Variants in PARP11 observed in about 807,000 individuals in gnomAD.
PARP11 encodes the protein protein mono-ADP-ribosyltransferase PARP11.
PARP11 carries 31 observed loss-of-function variants against 42.9 expected under a neutral mutation model. The observed-to-expected ratio is 0.72, with a 90% CI of 0.54 to 0.98. PARP11 has a LOEUF of 0.98. PARP11 is among the 50% of genes least tolerant of loss of function. The pLI, the probability that PARP11 is intolerant of heterozygous loss-of-function variation, is 0.00. For synonymous variants in PARP11, 137 were observed against 127.3 expected (o/e 1.08, Z -0.51); for missense variants, 365 against 413.1 (o/e 0.88, Z 1.01).
intron 3 of PARP11, among the ~76,000 whole-genome samples, chr12:3,828,011 A>G (rs755843697): frequency 7.2e-5 from 11 of 152,234 alleles, no homozygotes; most frequent in Non-Finnish European, 1.5e-4. Flanking sequence ...CAGGTTTTTC[A>G]TGGGATACCC....
At chr12:3,825,206 A>C (rs1206452407) in intron 4 of PARP11, among the ~76,000 whole-genome samples, 1 of 152,322 alleles carries the variant, frequency 6.6e-6, no homozygotes, top group East Asian at 1.9e-4. Flanking sequence ...ACATGCTTTA[A>C]GATTTTTTCC....
In PARP11 at chr12:3,809,867, T is replaced by G. The variant is rs1947133982; in HGVS notation, c.*2256A>C. 6.6e-6 allele frequency: 1 copy of G among 152,358 alleles called. No homozygotes were observed. The highest frequency in any genetic ancestry group is 2.1e-4 in the South Asian group (1 of 4,824). The allele number at this position is 152,358 out of a possible 1,614,324, so 9.4% of individuals were successfully genotyped here. The stretch of plus-strand genomic sequence containing the variant: ...TAGATGCTTTTTAAAGCGCTTTTTC[T>G]AAATATTCTCAGCACTTCATCTAAA... On this transcript the variant is annotated 3_prime_UTR_variant, in exon 8 of 8. Transcript: ENST00000228820.
At chr12:3,845,035 A>G (rs754307975) in intron 1 of PARP11, among the ~76,000 whole-genome samples, 4 of 147,844 alleles carry the variant, frequency 2.7e-5, no homozygotes, top group Non-Finnish European at 5.9e-5. Context: ...TGAGTTGGAA[A>G]TTATGAAACT....
chr12:3,817,084 A>C (rs1268256296), intron 6 of PARP11, among the ~76,000 whole-genome samples: 3 of 150,400 alleles, frequency 2.0e-5, no homozygotes, highest in Non-Finnish European at 4.4e-5. Flanking sequence ...CCAGCTACTC[A>C]GGAGGCTGAG....
intron 1 of PARP11, among the ~76,000 whole-genome samples, chr12:3,830,280 T>C (rs1337509404): frequency 6.6e-6 from 1 of 152,200 alleles, no homozygotes; most frequent in Non-Finnish European, 1.5e-5. Context: ...AAGTAAGCTA[T>C]ATCAACATCA....
intron 4 of PARP11, among the ~76,000 whole-genome samples, chr12:3,822,434 T>C (rs769646191): frequency 7.2e-6 from 1 of 139,860 alleles, no homozygotes; most frequent in Non-Finnish European, 1.5e-5. Flanking sequence ...CCGTCTCTAC[T>C]AAAAATACAA....
At chr12:3,831,599 C>T (rs1947639541) in intron 1 of PARP11, among the ~76,000 whole-genome samples, 1 of 152,022 alleles carries the variant, frequency 6.6e-6, no homozygotes, top group African/African-American at 2.4e-5. Flanking sequence ...ATAACAGTGC[C>T]TGACCTCAAT....
intron 2 of PARP11, 126 bp downstream of exon 2, chr12:3,829,764 G>A: frequency 1.0e-6 from 1 of 988,124 alleles, no homozygotes; most frequent in Admixed American, 2.5e-5. Context: ...TTTTCTTTTA[G>A]TTAAACAATT....
At chr12:3,848,120 A>C (rs1449479456) in intron 1 of PARP11, among the ~76,000 whole-genome samples, 1 of 152,150 alleles carries the variant, frequency 6.6e-6, no homozygotes, top group Non-Finnish European at 1.5e-5. Context: ...TGAAAGATCT[A>C]TACAGGAAAA....
intron 7 of PARP11, among the ~76,000 whole-genome samples, chr12:3,812,672 A>G (rs545179313): frequency 6.6e-6 from 1 of 152,334 alleles, no homozygotes; most frequent in South Asian, 2.1e-4. Flanking sequence ...CTCACCACCA[A>G]CACCATCCCC....
At chr12:3,851,073 A>G (rs1948088086) in intron 1 of PARP11, among the ~76,000 whole-genome samples, 1 of 152,254 alleles carries the variant, frequency 6.6e-6, no homozygotes, top group African/African-American at 2.4e-5. Context: ...TGAAAATTGA[A>G]AAGAATACTG....
At position 3,809,669 on chromosome 12, in the gene PARP11, T is replaced by G. The variant is rs1036581319; in HGVS notation, c.*2454A>C. ...TAGCCATGTTGAAGGGAGGACTATTTTAATGTGGTTTTTTGGTATGTAAAT... is the reference window on the plus strand; with the variant it reads ...TAGCCATGTTGAAGGGAGGACTATTGTAATGTGGTTTTTTGGTATGTAAAT... On this transcript the variant is annotated 3_prime_UTR_variant, in exon 8 of 8. Transcript: ENST00000228820. The G allele has an allele frequency of 6.6e-6, 1 of 152,250 alleles. No individual in the cohort carries two copies. Among genetic ancestry groups the G allele is most frequent in the Non-Finnish European group, 1.5e-5 (1 of 68,044 alleles). The allele number at this position is 152,250 out of a possible 1,614,324, so 9.4% of individuals were successfully genotyped here. A position where few individuals can be genotyped will look rare whatever the true frequency, so the allele number is the denominator to read the frequency against.
rs1253865033 is a variant in PARP11, at chr12:3,811,617, T to C, written c.*506A>G. 1 of 152,578 alleles carries C rather than the reference T, an allele frequency of 6.6e-6. No individual in the cohort carries two copies. Among genetic ancestry groups the C allele is most frequent in the Non-Finnish European group, 1.5e-5 (1 of 68,328 alleles). 9.5% of individuals were successfully genotyped at this position (152,578 alleles called of 1,614,324 possible). On this transcript the variant is annotated 3_prime_UTR_variant, in exon 8 of 8. Coordinates refer to ENST00000228820, the MANE Select transcript of PARP11 (RefSeq NM_020367.6). ...GATTTCTCTCAAGGTGCTCAGACTG[T>C]TTCAGAGTTTTAAATCCCCCCTTCA...
intron 1 of PARP11, 45 bp downstream of exon 1, chr12:3,873,167 T>TC: frequency 7.7e-7 from 1 of 1,295,960 alleles, no homozygotes; most frequent in Non-Finnish European, 1.1e-6. Context: ...CCCTCTCTCA[T>TC]CAACCCCGCC....
rs1030313957 is a variant in PARP11, at chr12:3,810,269, A to G, written c.*1854T>C. 1.3e-5 allele frequency: 2 copies of G among 152,226 alleles called. No individual in the cohort carries two copies. The highest frequency in any genetic ancestry group is 6.5e-5 in the Admixed American group (1 of 15,282). 9.4% of individuals were successfully genotyped at this position (152,226 alleles called of 1,614,324 possible). A position where few individuals can be genotyped will look rare whatever the true frequency, so the allele number is the denominator to read the frequency against. ...AAAAGCTTTCTGAAAAAGGCTTGGT[A>G]TACGTGCTGTCTTTTAAAGGCAGAA... On this transcript the variant is annotated 3_prime_UTR_variant, in exon 8 of 8. Coordinates refer to ENST00000228820, the MANE Select transcript of PARP11 (RefSeq NM_020367.6).
chr12:3,873,087 C>G, intron 1 of PARP11, 125 bp downstream of exon 1: 2 of 956,760 alleles, frequency 2.1e-6, no homozygotes, highest in Non-Finnish European at 3.3e-6. Context: ...GGCCCGGGAA[C>G]TCCGGTCCCG....
At chr12:3,815,704 C>T (rs1047396244) in intron 6 of PARP11, among the ~76,000 whole-genome samples, 6 of 152,160 alleles carry the variant, frequency 3.9e-5, no homozygotes, top group Non-Finnish European at 7.4e-5. Flanking sequence ...AGTGTGTAGT[C>T]GGTTAAAACT....
intron 1 of PARP11, among the ~76,000 whole-genome samples, chr12:3,867,641 G>C (rs1948414770): frequency 6.6e-6 from 1 of 152,178 alleles, no homozygotes; most frequent in Non-Finnish European, 1.5e-5. Context: ...CAATTGCTAG[G>C]ATGTGATTCC....
intron 1 of PARP11, chr12:3,872,478 T>G (rs1948504778): frequency 5.1e-6 from 5 of 981,568 alleles, no homozygotes; most frequent in African/African-American, 3.5e-5. Context: ...AAAAGCAAAG[T>G]AGACAAAGAC....
Sources: allele counts gnomAD v4.1 joint callset (sites outside exome capture counted in the v4.1 genomes callset), GRCh38; gene constraint gnomAD v4.1.1; transcripts MANE v1.5; gene names NCBI Gene and HGNC (gene_info 2026-07-23, HGNC 2026-07-21).